The following ARHGAP26 variants were observed in gnomAD, a reference collection of about 807,000 sequenced individuals.
The protein encoded by ARHGAP26 is Rho GTPase activating protein 26, also known as rho GTPase-activating protein 26.
ARHGAP26 carries 38 observed loss-of-function variants against 104.8 expected under a neutral mutation model. The observed-to-expected ratio is 0.36, with a 90% CI of 0.28 to 0.48. The LOEUF is 0.48. Ranked by LOEUF, ARHGAP26 falls within the 20% of genes least tolerant of loss-of-function variation. The pLI is 0.99. For missense variants in ARHGAP26, 704 were observed against 947.9 expected (o/e 0.74, Z 3.38); for synonymous variants, 341 against 340.0 (o/e 1.00, Z -0.03).
At chr5:143,142,545 T>C (rs1798688680) in intron 19 of ARHGAP26, among the ~76,000 whole-genome samples, 1 of 152,156 alleles carries the variant, frequency 6.6e-6, no homozygotes, top group South Asian at 2.1e-4. Flanking sequence ...CCAAACATAT[T>C]ACGCAGACTG....
intron 20 of ARHGAP26, among the ~76,000 whole-genome samples, chr5:143,163,172 C>T (rs528930022): frequency 2.6e-5 from 4 of 152,254 alleles, no homozygotes; most frequent in African/African-American, 7.2e-5. Context: ...AAAATATACT[C>T]TCCTTGCTGC....
intron 20 of ARHGAP26, chr5:143,164,874 G>A (rs1261322694): frequency 6.6e-6 from 1 of 152,144 alleles, no homozygotes; most frequent in African/African-American, 2.4e-5. Flanking sequence ...AAAAATGTTC[G>A]ACAGAAACCT....
At chr5:143,212,927 C>T (rs1270572243) in intron 21 of ARHGAP26, among the ~76,000 whole-genome samples, 2 of 152,088 alleles carry the variant, frequency 1.3e-5, no homozygotes, top group Non-Finnish European at 2.9e-5. Flanking sequence ...AGGCGGATCA[C>T]GAGGTCAGGA....
At chr5:142,783,240 T>A (rs1757875156) in intron 1 of ARHGAP26, among the ~76,000 whole-genome samples, 1 of 152,226 alleles carries the variant, frequency 6.6e-6, no homozygotes, top group Admixed American at 6.5e-5. Flanking sequence ...GCGTAAAAGT[T>A]CTAGCAGCTT....
At chr5:142,887,252 C>T (rs1473694356) in intron 5 of ARHGAP26, among the ~76,000 whole-genome samples, 5 of 152,040 alleles carry the variant, frequency 3.3e-5, no homozygotes, top group Non-Finnish European at 5.9e-5. Flanking sequence ...GTGTAGGGAC[C>T]AGAACGCTGG....
At chr5:143,221,670 G>A (rs1368972004) in intron 22 of ARHGAP26, among the ~76,000 whole-genome samples, 2 of 151,972 alleles carry the variant, frequency 1.3e-5, no homozygotes, top group Non-Finnish European at 1.5e-5. Context: ...CTACAGACAC[G>A]CTCCATCAAA....
At chr5:143,113,393 G>T (rs1369572695) in intron 17 of ARHGAP26, among the ~76,000 whole-genome samples, 2 of 152,196 alleles carry the variant, frequency 1.3e-5, no homozygotes, top group Non-Finnish European at 2.9e-5. Context: ...CACTTTGCTA[G>T]TTATTCACAG....
chr5:143,174,759 AG>A (rs1307053296), intron 20 of ARHGAP26, among the ~76,000 whole-genome samples: 1 of 152,210 alleles, frequency 6.6e-6, no homozygotes, highest in African/African-American at 2.4e-5. Flanking sequence ...GCAACTTTTT[AG>A]CAATATGGGA....
chr5:142,903,499 A>T (rs776744608), intron 7 of ARHGAP26, 41 bp from the exon 8 acceptor site: 2 of 1,599,524 alleles, frequency 1.3e-6, no homozygotes, highest in Admixed American at 3.4e-5. Context: ...TAAAACAGAT[A>T]CTTTGTTTCT....
intron 17 of ARHGAP26, among the ~76,000 whole-genome samples, chr5:143,114,261 A>G (rs1795141515): frequency 6.6e-6 from 1 of 152,202 alleles, no homozygotes; most frequent in African/African-American, 2.4e-5. Flanking sequence ...TGGTGCCACC[A>G]TTGGGGCAGT....
chr5:142,898,224 G>A (rs551601289), intron 6 of ARHGAP26, among the ~76,000 whole-genome samples: 3 of 151,374 alleles, frequency 2.0e-5, no homozygotes, highest in East Asian at 3.9e-4. Flanking sequence ...ACATATATAC[G>A]TATGTGCATA....
chr5:142,856,532 G>A (rs1005228656), intron 1 of ARHGAP26, among the ~76,000 whole-genome samples: 1 of 152,218 alleles, frequency 6.6e-6, no homozygotes, highest in African/African-American at 2.4e-5. Context: ...TAAGGAGGGA[G>A]GTGTATTAGC....
At position 142,913,225 on chromosome 5, in the gene ARHGAP26, A is replaced by G. The variant is rs1208505674; in HGVS notation, c.960A>G (p.Lys320=). The change falls in exon 10 of 23, where the codon AAA becomes AAG. Residue 320 remains lysine, a synonymous_variant. Transcript: ENST00000645722. ...KGGEDESVIL[K]SCTRRKTDSI... ...GAGAAGATGAATCAGTTATCCTCAA[A>G]TCCTGCACACGGCGGAAAACAGACT... is the stretch of plus-strand genomic sequence containing the variant. The G allele has an allele frequency of 1.2e-6, 2 of 1,614,024 alleles. No individual in the cohort carries two copies. Among genetic ancestry groups the G allele is most frequent in the African/African-American group, 2.7e-5 (2 of 74,922 alleles).
chr5:143,110,060 T>C (rs1794580086), intron 17 of ARHGAP26, among the ~76,000 whole-genome samples: 2 of 152,212 alleles, frequency 1.3e-5, no homozygotes, highest in South Asian at 2.1e-4. Flanking sequence ...ACCTGCTGTT[T>C]CCTCTGCCTG....
chr5:143,019,304 A>G (rs946957837), intron 12 of ARHGAP26, among the ~76,000 whole-genome samples: 1 of 152,014 alleles, frequency 6.6e-6, no homozygotes, highest in Non-Finnish European at 1.5e-5. Context: ...TGCCAGTGTC[A>G]GTCACCTAGT....
intron 11 of ARHGAP26, among the ~76,000 whole-genome samples, chr5:142,988,599 A>G (rs1262687960): frequency 1.3e-5 from 2 of 151,884 alleles, no homozygotes; most frequent in African/African-American, 4.8e-5. Flanking sequence ...TCAATTTTAG[A>G]TCTTTCCTTC....
At chr5:142,859,271 A>G (rs1752912948) in intron 1 of ARHGAP26, among the ~76,000 whole-genome samples, 1 of 152,192 alleles carries the variant, frequency 6.6e-6, no homozygotes, top group African/African-American at 2.4e-5. Context: ...TCAGGGTACC[A>G]GTTGGAGGAG....
At chr5:143,103,220 G>A (rs1239529503) in intron 17 of ARHGAP26, 1 of 984,836 alleles carries the variant, frequency 1.0e-6, no homozygotes, top group Non-Finnish European at 1.2e-6. Flanking sequence ...AAAAGTCACT[G>A]GATCAGTAGA....
rs969413946 is a variant in ARHGAP26, at chr5:143,225,973, ACT to A, written c.*3534_*3535del. Reference sequence around the variant, plus strand: ...CCCCTATCCATGCCCCCTACCTCTGACTCTCTCTGTGTGAACAGGAAACTTTA... The same window carrying A: ...CCCCTATCCATGCCCCCTACCTCTGACTCTCTGTGTGAACAGGAAACTTTA... On this transcript the variant is annotated 3_prime_UTR_variant, in exon 23 of 23. Transcript: ENST00000645722. 14 of 217,874 alleles carry A rather than the reference ACT, an allele frequency of 6.4e-5. No individual in the cohort carries two copies. Among genetic ancestry groups the A allele is most frequent in the African/African-American group, 2.9e-4 (13 of 44,348 alleles). 13.5% of individuals were successfully genotyped at this position (217,874 alleles called of 1,614,324 possible). A position where few individuals can be genotyped will look rare whatever the true frequency, so the allele number is the denominator to read the frequency against.
Sources: gnomAD v4.1 joint callset for allele counts (sites outside exome capture counted in the v4.1 genomes callset) on GRCh38, gnomAD v4.1.1 for gene constraint, MANE v1.5 for transcripts, NCBI Gene and HGNC (gene_info 2026-07-23, HGNC 2026-07-21) for gene names.